Variants in CHN2 observed in about 807,000 individuals in gnomAD.
CHN2 encodes chimerin 2, also known as beta-chimaerin.
CHN2 carries 35 observed loss-of-function variants against 56.3 expected under a neutral mutation model. The ratio of observed to expected loss-of-function variants is 0.62; its 90% CI spans 0.47 to 0.82. CHN2 has a LOEUF of 0.82. Among genes scored for constraint, CHN2 ranks in the 40% least tolerant of loss-of-function variants. CHN2 has a pLI of 0.00. For missense variants in CHN2, 491 were observed against 580.5 expected, an observed-to-expected ratio of 0.85 and a Z score of 1.58; for synonymous variants, 210 against 212.8, an observed-to-expected ratio of 0.99 and a Z score of 0.12.
intron 8 of CHN2, among the ~76,000 whole-genome samples, chr7:29,497,678 G>C (rs1052196119): frequency 3.3e-5 from 5 of 152,124 alleles, no homozygotes; most frequent in African/African-American, 1.2e-4. Flanking sequence ...AGAATGCACT[G>C]GACTTTATTT....
intron 2 of CHN2, among the ~76,000 whole-genome samples, chr7:29,175,729 T>C (rs1797229584): frequency 6.6e-6 from 1 of 151,884 alleles, no homozygotes; most frequent in African/African-American, 2.4e-5. Context: ...AGAAGATAAG[T>C]TACCCAAGCG....
chr7:29,169,555 G>A (rs74916053), intron 2 of CHN2, among the ~76,000 whole-genome samples: 3,514 of 152,256 alleles, frequency 0.023, 148 homozygotes, highest in African/African-American at 0.077. Flanking sequence ...GGGAGATTAA[G>A]TAGCTGACGG....
At chr7:29,346,473 T>C (rs1758055265) in intron 1 of CHN2, among the ~76,000 whole-genome samples, 1 of 152,200 alleles carries the variant, frequency 6.6e-6, no homozygotes, top group African/African-American at 2.4e-5. Flanking sequence ...GGAAGAAGCC[T>C]ACTGCAGCCC....
At chr7:29,174,571 A>G (rs1191028162) in intron 2 of CHN2, among the ~76,000 whole-genome samples, 1 of 152,132 alleles carries the variant, frequency 6.6e-6, no homozygotes, top group African/African-American at 2.4e-5. Context: ...TGATTAAACA[A>G]TTTTGAGAGT....
At chr7:29,236,888 G>A (rs1397194971) in intron 1 of CHN2, among the ~76,000 whole-genome samples, 1 of 152,054 alleles carries the variant, frequency 6.6e-6, no homozygotes, top group Admixed American at 6.6e-5. Context: ...CTTTTATAAA[G>A]CCTCTTGTGA....
intron 6 of CHN2, among the ~76,000 whole-genome samples, chr7:29,459,054 A>G (rs1377564397): frequency 2.0e-5 from 3 of 152,250 alleles, no homozygotes; most frequent in East Asian, 3.8e-4. Flanking sequence ...AGCAGGGACC[A>G]GTTCCTGGTT....
Position 29,301,919 on chromosome 7 carries a change from C to G in CHN2, c.50-52706C>G, listed in dbSNP as rs376251063. ...TCATCGAAGCCATCTGCAGCCCTAG[C>G]TAGACTGAAGCTGGCCACTTTGGGG... On this transcript the variant is annotated intron_variant, in intron 1 of 12. Transcript: ENST00000222792. Among the ~76,000 whole-genome samples the G allele has an allele frequency of 5.9e-5, 9 of 152,294 alleles. No homozygotes were observed. The East Asian group carries it at 1.4e-3, about 23-fold the overall frequency.
At chr7:29,282,071 G>A (rs1047689787) in intron 1 of CHN2, among the ~76,000 whole-genome samples, 22 of 152,174 alleles carry the variant, frequency 1.4e-4, no homozygotes, top group Admixed American at 9.2e-4. Context: ...TCTGGTTTTC[G>A]ACAAGCAGTG....
intron 1 of CHN2, among the ~76,000 whole-genome samples, chr7:29,305,988 T>C (rs39754): frequency 0.19 from 28,829 of 151,936 alleles, 2,911 homozygotes; most frequent in South Asian, 0.31. Flanking sequence ...TGCTCACTTC[T>C]AGCTCTGCTG....
chr7:29,155,430 G>C (rs1376638672), intron 2 of CHN2, among the ~76,000 whole-genome samples: 1 of 152,144 alleles, frequency 6.6e-6, no homozygotes, highest in African/African-American at 2.4e-5. Context: ...TCACACATGA[G>C]GTCATTCAGC....
At chr7:29,419,386 G>GA (rs1470399282) in intron 6 of CHN2, among the ~76,000 whole-genome samples, 1 of 152,090 alleles carries the variant, frequency 6.6e-6, no homozygotes, top group Non-Finnish European at 1.5e-5. Context: ...ACTCCTAGAA[G>GA]AAAATATAGG....
intron 7 of CHN2, among the ~76,000 whole-genome samples, chr7:29,494,950 T>TAAA (rs5883217): frequency 0.018 from 1,136 of 64,570 alleles, 41 homozygotes; most frequent in Middle Eastern, 0.074. Flanking sequence ...AAGCAGTTTG[T>TAAA]AAAAAAAAAA....
chr7:29,391,387 A>G (rs1313789241), intron 3 of CHN2, among the ~76,000 whole-genome samples: 5 of 145,412 alleles, frequency 3.4e-5, no homozygotes, highest in African/African-American at 7.6e-5. Flanking sequence ...GAAGGGAGGA[A>G]GGGAGGGGAG....
chr7:29,361,668 A>G (rs956347834), intron 2 of CHN2, among the ~76,000 whole-genome samples: 2 of 152,152 alleles, frequency 1.3e-5, no homozygotes, highest in Admixed American at 1.3e-4. Flanking sequence ...TTTCTTTGCT[A>G]AAGCTCAGAG....
chr7:29,511,841 T>TTTATTCCA (rs1791472266), intron 12 of CHN2, among the ~76,000 whole-genome samples: 1 of 151,714 alleles, frequency 6.6e-6, no homozygotes, highest in East Asian at 1.9e-4. Flanking sequence ...ATAGATAGAT[T>TTTATTCCA]GTAATTTTAT....
chr7:29,490,119 T>A (rs1458096326), intron 7 of CHN2, among the ~76,000 whole-genome samples: 1 of 146,288 alleles, frequency 6.8e-6, no homozygotes, highest in Non-Finnish European at 1.5e-5. Flanking sequence ...TCCTTTTTTT[T>A]TTTTTTTTGA....
chr7:29,486,854 C>A (rs926195382), intron 7 of CHN2, among the ~76,000 whole-genome samples: 3 of 152,182 alleles, frequency 2.0e-5, no homozygotes, highest in Non-Finnish European at 4.4e-5. Context: ...CGTGGCAGCA[C>A]CACCACCTCC....
chr7:29,360,222 A>G (rs1041900530), intron 2 of CHN2, among the ~76,000 whole-genome samples: 1 of 152,156 alleles, frequency 6.6e-6, no homozygotes, highest in Non-Finnish European at 1.5e-5. Flanking sequence ...TTAAATCCCC[A>G]TTAAGACTCG....
intron 1 of CHN2, among the ~76,000 whole-genome samples, chr7:29,218,461 C>A (rs1348027077): frequency 6.6e-6 from 1 of 151,926 alleles, no homozygotes; most frequent in East Asian, 1.9e-4. Flanking sequence ...GGGTATATAC[C>A]CAAAAGATTA....
Sources: allele counts gnomAD v4.1 joint callset (sites outside exome capture counted in the v4.1 genomes callset), GRCh38; gene constraint gnomAD v4.1.1; transcripts MANE v1.5; gene names NCBI Gene and HGNC (gene_info 2026-07-23, HGNC 2026-07-21).